DNAH8: variants seen among roughly 807,000 people sequenced by gnomAD.
The protein encoded by DNAH8 is axonemal beta dynein heavy chain 8.
DNAH8 carries 382 observed loss-of-function variants against 562.1 expected under a neutral mutation model. The ratio of observed to expected loss-of-function variants is 0.68; its 90% CI spans 0.63 to 0.74. The LOEUF is 0.74. Among genes scored for constraint, DNAH8 ranks in the 30% least tolerant of loss-of-function variants. The pLI, the probability that DNAH8 is intolerant of heterozygous loss-of-function variation, is 0.00. For missense variants in DNAH8, 5,203 were observed against 5,620.4 expected, an observed-to-expected ratio of 0.93 and a Z score of 2.37; for synonymous variants, 1,881 against 1,919.4, an observed-to-expected ratio of 0.98 and a Z score of 0.52.
chr6:38,759,765 T>A (rs1766313319), intron 10 of DNAH8, among the ~76,000 whole-genome samples: 1 of 152,166 alleles, frequency 6.6e-6, no homozygotes, highest in Non-Finnish European at 1.5e-5. Flanking sequence ...TTGGCCTGTC[T>A]TCAGCAAGAA....
chr6:38,725,403 C>T (rs1191734387), intron 3 of DNAH8, among the ~76,000 whole-genome samples: 5 of 151,868 alleles, frequency 3.3e-5, no homozygotes, highest in Admixed American at 6.6e-5. Context: ...CGCTTCATGT[C>T]GTCCAGTATC....
At chr6:39,019,731 G>T (rs1475249841) in intron 91 of DNAH8, among the ~76,000 whole-genome samples, 1 of 152,192 alleles carries the variant, frequency 6.6e-6, no homozygotes, top group Non-Finnish European at 1.5e-5. Flanking sequence ...GAGGCCAAAG[G>T]TCTGAGAGGT....
intron 82 of DNAH8, among the ~76,000 whole-genome samples, chr6:38,956,064 C>T (rs1029911312): frequency 3.9e-5 from 6 of 152,324 alleles, no homozygotes; most frequent in Middle Eastern, 3.4e-3. Context: ...CTGCCAACAT[C>T]GATCTTGGCA....
chr6:38,935,484 G>A (rs1282700662), intron 76 of DNAH8, 108 bp from the exon 77 acceptor site: 2 of 698,360 alleles, frequency 2.9e-6, no homozygotes, highest in East Asian at 2.7e-5. Flanking sequence ...CATTCAAAAG[G>A]TACTTTGCTT....
At chr6:38,772,971 C>CTCTTTTT (rs1767712438) in intron 12 of DNAH8, among the ~76,000 whole-genome samples, 1 of 88,088 alleles carries the variant, frequency 1.1e-5, no homozygotes, top group South Asian at 4.7e-4. Flanking sequence ...GCTAATTAAA[C>CTCTTTTT]TTTTTTTTTT....
At chr6:38,832,247 G>T (rs186988245) in intron 30 of DNAH8, 75 bp from the exon 31 acceptor site, 147 of 864,260 alleles carry the variant, frequency 1.7e-4, no homozygotes, top group Admixed American at 1.7e-4. Context: ...AGATACACTT[G>T]TTGGAATAGA....
At chr6:38,934,515 A>G (rs146383382) in intron 76 of DNAH8, among the ~76,000 whole-genome samples, 5 of 152,262 alleles carry the variant, frequency 3.3e-5, no homozygotes, top group African/African-American at 9.6e-5. Context: ...TTCTGAAGCA[A>G]TTTTCCCAGA....
chr6:38,754,458 A>G (rs1050143098), intron 9 of DNAH8, among the ~76,000 whole-genome samples: 7 of 152,194 alleles, frequency 4.6e-5, no homozygotes, highest in African/African-American at 1.4e-4. Flanking sequence ...CATAAGCCAC[A>G]TAAAACTGAT....
At chr6:38,772,051 C>T (rs1175983968) in intron 12 of DNAH8, among the ~76,000 whole-genome samples, 8 of 121,110 alleles carry the variant, frequency 6.6e-5, no homozygotes, top group African/African-American at 1.2e-4. Flanking sequence ...TTTTTTGAGA[C>T]GGAGTTTTGC....
chr6:38,838,635 G>A (rs1161977994), intron 33 of DNAH8, among the ~76,000 whole-genome samples: 3 of 149,308 alleles, frequency 2.0e-5, no homozygotes, highest in Non-Finnish European at 4.5e-5. Flanking sequence ...TCCTGACCTC[G>A]TGATCCGCCT....
chr6:38,926,363 G>A (rs923000501), intron 74 of DNAH8, among the ~76,000 whole-genome samples, 153 bp downstream of exon 74: 4 of 152,112 alleles, frequency 2.6e-5, no homozygotes, highest in Admixed American at 2.6e-4. Context: ...TGGGGCAACA[G>A]CTCTGATTCT....
chr6:38,874,068 T>TTCTTTTTCTTTCTTTCTTTC (rs377254876), intron 52 of DNAH8, among the ~76,000 whole-genome samples: 1,469 of 57,076 alleles, frequency 0.026, 397 homozygotes, highest in Non-Finnish European at 0.037. Context: ...CTTTCTTTCT[T>TTCTTTTTCTTTCTTTCTTTC]TTTCTTTCTT....
In DNAH8 at chr6:38,903,610, TCC is replaced by T. The variant is rs748549461; in HGVS notation, c.9195-2643_9195-2642del. Among the ~76,000 whole-genome samples the T allele has an allele frequency of 1.5e-3, 163 of 108,112 alleles. 8 individuals carry two copies. Among genetic ancestry groups the T allele is most frequent in the African/African-American group, 8.3e-3 (137 of 16,484 alleles). 70.9% of individuals were successfully genotyped at this position (108,112 alleles called of 152,430 possible). A position where few individuals can be genotyped will look rare whatever the true frequency, so the allele number is the denominator to read the frequency against. On this transcript the variant is annotated intron_variant, in intron 62 of 92. Coordinates refer to ENST00000327475, the MANE Select transcript of DNAH8 (RefSeq NM_001206927.2). ...CAATGTTTTCTTTTTCTTTCTTTCTTCCTTTTTTTTTTTTTTTTTTGAGAAGG... is the reference window on the plus strand; with the variant it reads ...CAATGTTTTCTTTTTCTTTCTTTCTTTTTTTTTTTTTTTTTTTTGAGAAGG...
chr6:38,967,308 A>G (rs993257874), intron 82 of DNAH8, among the ~76,000 whole-genome samples: 3 of 152,152 alleles, frequency 2.0e-5, no homozygotes, highest in African/African-American at 7.2e-5. Context: ...CAAAGAAAAA[A>G]AAAAACCATC....
In DNAH8 at chr6:38,757,701, A is replaced by C. The variant is rs571212133; in HGVS notation, c.1515+1622A>C. On this transcript the variant is annotated intron_variant, in intron 10 of 92. Coordinates refer to ENST00000327475, the MANE Select transcript of DNAH8 (RefSeq NM_001206927.2). ...TCCATCTTGAATTAATTTTTGTATA[A>C]GGTGTAAGGAAGGGATCCATTTTCA... Among the ~76,000 whole-genome samples the C allele has an allele frequency of 2.7e-4, 41 of 152,308 alleles. No individual in the cohort carries two copies. In the East Asian group the frequency reaches 6.2e-3, roughly 23 times the overall value.
intron 88 of DNAH8, among the ~76,000 whole-genome samples, chr6:38,997,648 C>G (rs944199652): frequency 6.6e-6 from 1 of 152,206 alleles, no homozygotes; most frequent in Non-Finnish European, 1.5e-5. Context: ...AGAGAAGACT[C>G]TCTAAGATAT....
intron 79 of DNAH8, 111 bp downstream of exon 79, chr6:38,939,099 G>A (rs897587488): frequency 2.4e-6 from 2 of 836,766 alleles, no homozygotes; most frequent in African/African-American, 1.7e-5. Context: ...ATGTTCTAAC[G>A]AAAGTTTAAT....
chr6:38,919,254 A>G (rs1161909342), intron 70 of DNAH8, among the ~76,000 whole-genome samples: 2 of 152,226 alleles, frequency 1.3e-5, no homozygotes, highest in African/African-American at 4.8e-5. Context: ...AAATTAACAA[A>G]CATAATACTG....
chr6:38,923,226 G>A (rs1351874417), intron 72 of DNAH8, 41 bp downstream of exon 72: 1 of 1,606,188 alleles, frequency 6.2e-7, no homozygotes, highest in African/African-American at 1.3e-5. Context: ...CTTTCTTTGT[G>A]ACATTAGAGA....
Sources: allele counts gnomAD v4.1 joint callset (sites outside exome capture counted in the v4.1 genomes callset), GRCh38; gene constraint gnomAD v4.1.1; transcripts MANE v1.5; gene names NCBI Gene and HGNC (gene_info 2026-07-23, HGNC 2026-07-21).